IFNG-AS1: variants seen among roughly 807,000 people sequenced by gnomAD.
The protein encoded by IFNG-AS1 is IFNG antisense RNA 1 (non-protein coding).
chr12:68,014,728 T>C (rs925521881), intron 3 of IFNG-AS1, among the ~76,000 whole-genome samples: 7 of 152,094 alleles, frequency 4.6e-5, no homozygotes, highest in African/African-American at 1.7e-4. Context: ...CCATCAGATT[T>C]TGAACTGGCC....
intron 1 of IFNG-AS1, among the ~76,000 whole-genome samples, chr12:67,994,300 T>C (rs910824928): frequency 2.0e-5 from 3 of 152,344 alleles, no homozygotes; most frequent in Admixed American, 2.0e-4. Context: ...TAACCAGTGT[T>C]GGTTCAAATC....
Position 67,996,796 on chromosome 12 carries a change from A to C in IFNG-AS1, n.184+723A>C, listed in dbSNP as rs1008340764. ...TCTATGACCTTAGGCAAACTTGTCA[A>C]TATTTCTGCTCTTAATATCTTTACT... On this transcript the variant is annotated intron_variant and non_coding_transcript_variant, in intron 2 of 5. Coordinates refer to ENST00000536914, the Ensembl canonical transcript of IFNG-AS1. 2.0e-5 allele frequency among the ~76,000 whole-genome samples: 3 copies of C among 152,204 alleles called. No homozygotes were observed. The South Asian group carries it at 6.2e-4, about 31-fold the overall frequency.
chr12:68,016,738 T>G (rs138758210), intron 3 of IFNG-AS1, among the ~76,000 whole-genome samples: 37 of 152,320 alleles, frequency 2.4e-4, no homozygotes, highest in Non-Finnish European at 4.1e-4. Flanking sequence ...ACTTAAATGA[T>G]TCCACCATTT....
intron 3 of IFNG-AS1, among the ~76,000 whole-genome samples, chr12:68,006,758 A>C (rs1042961305): frequency 1.4e-4 from 21 of 152,200 alleles, no homozygotes; most frequent in Non-Finnish European, 5.9e-5. Flanking sequence ...ACAGGCTGCC[A>C]TTGGTTCTGC....
chr12:68,005,708 A>T (rs1879890936), intron 2 of IFNG-AS1, among the ~76,000 whole-genome samples: 1 of 151,904 alleles, frequency 6.6e-6, no homozygotes, highest in African/African-American at 2.4e-5. Context: ...AAAGAGTGGG[A>T]AGAAGGGAGG....
chr12:68,010,577 C>G (rs751942057), intron 3 of IFNG-AS1, among the ~76,000 whole-genome samples: 158 of 152,154 alleles, frequency 1.0e-3, no homozygotes, highest in African/African-American at 3.0e-3. Flanking sequence ...TTTCCTGATT[C>G]CATTCCAAGT....
At chr12:67,994,002 T>C (rs1212581974) in intron 1 of IFNG-AS1, among the ~76,000 whole-genome samples, 1 of 152,176 alleles carries the variant, frequency 6.6e-6, no homozygotes, top group East Asian at 1.9e-4. Flanking sequence ...AGTTATTATT[T>C]TCTTAAGGTT....
chr12:67,994,901 C>A (rs956466024), intron 1 of IFNG-AS1, among the ~76,000 whole-genome samples: 2 of 152,218 alleles, frequency 1.3e-5, no homozygotes, highest in Admixed American at 1.3e-4. Context: ...AGTTACCTAA[C>A]CTCTTTATGC....
intron 1 of IFNG-AS1, among the ~76,000 whole-genome samples, chr12:67,995,722 C>CAAAAAAAAAAA: frequency 1.3e-5 from 1 of 77,346 alleles, no homozygotes; most frequent in Non-Finnish European, 2.6e-5. Flanking sequence ...ACTCGGTCTC[C>CAAAAAAAAAAA]AAAAAAAAAA....
intron 2 of IFNG-AS1, among the ~76,000 whole-genome samples, chr12:67,996,941 G>T (rs957554145): frequency 6.6e-6 from 1 of 151,986 alleles, no homozygotes; most frequent in Non-Finnish European, 1.5e-5. Flanking sequence ...TTCAAGTTAA[G>T]AAAAGGCATT....
At chr12:67,991,549 G>A (rs1179483502) in intron 1 of IFNG-AS1, among the ~76,000 whole-genome samples, 1 of 152,180 alleles carries the variant, frequency 6.6e-6, no homozygotes, top group East Asian at 1.9e-4. Context: ...TAATGAATGA[G>A]GATAATAAGA....
intron 1 of IFNG-AS1, among the ~76,000 whole-genome samples, chr12:67,990,782 T>C (rs974280202): frequency 1.3e-5 from 2 of 151,990 alleles, no homozygotes; most frequent in Non-Finnish European, 2.9e-5. Context: ...TTAGTAGAGA[T>C]GGGGTTTCCC....
intron 2 of IFNG-AS1, among the ~76,000 whole-genome samples, chr12:67,999,812 C>T (rs1035136055): frequency 6.6e-6 from 1 of 152,094 alleles, no homozygotes; most frequent in African/African-American, 2.4e-5. Context: ...CTACGAAGTC[C>T]TTATTAAATA....
chr12:67,998,611 T>C (rs377467305), intron 2 of IFNG-AS1, among the ~76,000 whole-genome samples: 1 of 151,982 alleles, frequency 6.6e-6, no homozygotes, highest in South Asian at 2.1e-4. Context: ...TTAGAAACCA[T>C]GGTAATGTTT....
intron 1 of IFNG-AS1, among the ~76,000 whole-genome samples, chr12:67,992,816 AG>A (rs1879547371): frequency 6.6e-6 from 1 of 152,218 alleles, no homozygotes; most frequent in African/African-American, 2.4e-5. Context: ...TAACAATGAA[AG>A]GTAAATTGTT....
intron 2 of IFNG-AS1, among the ~76,000 whole-genome samples, chr12:68,003,820 T>C (rs1879840747): frequency 1.3e-5 from 2 of 149,604 alleles, no homozygotes; most frequent in Admixed American, 1.3e-4. Context: ...GGCAGGAGAA[T>C]GACGTGAACC....
At chr12:67,992,644 A>G (rs551521726) in intron 1 of IFNG-AS1, among the ~76,000 whole-genome samples, 2 of 152,360 alleles carry the variant, frequency 1.3e-5, no homozygotes, top group African/African-American at 2.4e-5. Context: ...TCCATTGTAC[A>G]GAATACTGAA....
intron 3 of IFNG-AS1, among the ~76,000 whole-genome samples, chr12:68,011,720 C>G (rs1050386190): frequency 2.0e-5 from 3 of 152,104 alleles, no homozygotes; most frequent in African/African-American, 7.2e-5. Context: ...GTCTCCACTA[C>G]TAGTACCAGG....
intron 2 of IFNG-AS1, among the ~76,000 whole-genome samples, chr12:67,997,239 A>G (rs1879661972): frequency 6.6e-6 from 1 of 152,118 alleles, no homozygotes; most frequent in African/African-American, 2.4e-5. Flanking sequence ...CCTATCACAC[A>G]TTAAAACATA....
Sources: allele counts gnomAD v4.1 joint callset (sites outside exome capture counted in the v4.1 genomes callset), GRCh38; gene constraint gnomAD v4.1.1; transcripts MANE v1.5; gene names NCBI Gene and HGNC (gene_info 2026-07-23, HGNC 2026-07-21).